The following CTNND2 variants were observed in gnomAD, a reference collection of about 807,000 sequenced individuals.
CTNND2 encodes the protein catenin delta 2.
CTNND2 carries 22 observed loss-of-function variants against 144.4 expected under a neutral mutation model. The observed-to-expected ratio is 0.15, with a 90% CI of 0.11 to 0.22. The LOEUF (loss-of-function observed/expected upper bound fraction) is 0.22. Among genes scored for constraint, CTNND2 ranks in the 10% least tolerant of loss-of-function variants. The pLI, the probability that CTNND2 is intolerant of heterozygous loss-of-function variation, is 1.00. For missense variants in CTNND2, 1,353 were observed against 1,618.8 expected, an observed-to-expected ratio of 0.84 and a Z score of 2.82; for synonymous variants, 751 against 695.6, an observed-to-expected ratio of 1.08 and a Z score of -1.25.
At chr5:11,073,938 G>A (rs1336255802) in intron 16 of CTNND2, among the ~76,000 whole-genome samples, 1 of 152,212 alleles carries the variant, frequency 6.6e-6, no homozygotes, top group East Asian at 1.9e-4. Flanking sequence ...AACGACATCT[G>A]TCTGGGTCTG....
intron 21 of CTNND2, among the ~76,000 whole-genome samples, chr5:10,976,690 A>G (rs996189129): frequency 1.3e-5 from 2 of 152,212 alleles, no homozygotes; most frequent in South Asian, 2.1e-4. Context: ...TATGAAGGAT[A>G]GTGTCATGAC....
chr5:11,788,763 T>G (rs1262203517), intron 1 of CTNND2, among the ~76,000 whole-genome samples: 1 of 152,068 alleles, frequency 6.6e-6, no homozygotes, highest in African/African-American at 2.4e-5. Flanking sequence ...TGTGCCATGT[T>G]GGTGTGCTGC....
intron 1 of CTNND2, among the ~76,000 whole-genome samples, chr5:11,864,605 G>C (rs564483182): frequency 3.9e-5 from 6 of 152,272 alleles, no homozygotes; most frequent in African/African-American, 1.4e-4. Flanking sequence ...TGTAAGGCAG[G>C]CTTTCTCAGC....
chr5:11,084,949 C>T (rs1274136423), intron 15 of CTNND2, among the ~76,000 whole-genome samples: 2 of 152,122 alleles, frequency 1.3e-5, no homozygotes, highest in East Asian at 3.9e-4. Context: ...CTTTAATCCT[C>T]CATGCTCAGT....
chr5:11,868,692 A>G (rs1432261756), intron 1 of CTNND2, among the ~76,000 whole-genome samples: 1 of 152,152 alleles, frequency 6.6e-6, no homozygotes, highest in Non-Finnish European at 1.5e-5. Flanking sequence ...TTTATTCATT[A>G]ATAGATTAAT....
chr5:11,181,589 C>T (rs538812233), intron 11 of CTNND2, among the ~76,000 whole-genome samples: 2 of 152,182 alleles, frequency 1.3e-5, no homozygotes, highest in Admixed American at 6.5e-5. Context: ...TGTGGAACTG[C>T]GTCTGGTAGA....
At chr5:11,094,270 C>T (rs1324822249) in intron 15 of CTNND2, among the ~76,000 whole-genome samples, 1 of 152,112 alleles carries the variant, frequency 6.6e-6, no homozygotes, top group Non-Finnish European at 1.5e-5. Flanking sequence ...TCTAAAATTA[C>T]TAGTAATAAC....
Position 11,122,189 on chromosome 5 carries a change from A to C in CTNND2, c.2160-4622T>G, listed in dbSNP as rs538376885. Among the ~76,000 whole-genome samples, 17 of 152,210 alleles carry C rather than the reference A, an allele frequency of 1.1e-4. 1 individual carries two copies. In the South Asian group the frequency reaches 3.5e-3, roughly 32 times the overall value. On this transcript the variant is annotated intron_variant, in intron 12 of 21. Coordinates refer to ENST00000304623, the MANE Select transcript of CTNND2 (RefSeq NM_001332.4). ...TCCAGCATTTGAATACTGGCTTCTT[A>C]AACTGTACCTTGTGTTACAAGCCTC...
chr5:11,312,015 CAT>C (rs1561199972), intron 9 of CTNND2, among the ~76,000 whole-genome samples: 1 of 149,644 alleles, frequency 6.7e-6, no homozygotes, highest in Non-Finnish European at 1.5e-5. Context: ...ACACACTCAC[CAT>C]ACACCTTCAC....
intron 1 of CTNND2, among the ~76,000 whole-genome samples, chr5:11,746,241 C>T (rs547346562): frequency 6.6e-6 from 1 of 152,236 alleles, no homozygotes; most frequent in South Asian, 2.1e-4. Flanking sequence ...TTCAGTTTAC[C>T]ACAATTGAAT....
chr5:11,516,782 G>GAACAC (rs138862624), intron 3 of CTNND2, among the ~76,000 whole-genome samples: 3,002 of 152,192 alleles, frequency 0.02, 43 homozygotes, highest in Non-Finnish European at 0.032. Flanking sequence ...TCTCTATCAA[G>GAACAC]ATTTCAGGTG....
chr5:11,814,012 G>A (rs911068252), intron 1 of CTNND2, among the ~76,000 whole-genome samples: 3 of 152,008 alleles, frequency 2.0e-5, no homozygotes, highest in African/African-American at 4.8e-5. Context: ...ATAGAATGAG[G>A]CTATTATTTT....
At chr5:11,168,252 G>T (rs1011207478) in intron 11 of CTNND2, among the ~76,000 whole-genome samples, 1 of 152,058 alleles carries the variant, frequency 6.6e-6, no homozygotes, top group Non-Finnish European at 1.5e-5. Flanking sequence ...AACAGATCAG[G>T]CTCTATTAAT....
chr5:11,708,410 A>C (rs778995554), intron 2 of CTNND2, among the ~76,000 whole-genome samples: 13 of 152,146 alleles, frequency 8.5e-5, no homozygotes, highest in Non-Finnish European at 1.5e-4. Flanking sequence ...GAAAAGATGA[A>C]ACCTTTCTTT....
chr5:11,388,167 G>GT (rs1249185663), intron 6 of CTNND2, among the ~76,000 whole-genome samples: 1 of 152,166 alleles, frequency 6.6e-6, no homozygotes, highest in East Asian at 1.9e-4. Flanking sequence ...TTTATATACT[G>GT]TTTAACATAG....
intron 1 of CTNND2, among the ~76,000 whole-genome samples, chr5:11,742,165 A>G (rs1002942226): frequency 1.3e-5 from 2 of 152,120 alleles, no homozygotes; most frequent in African/African-American, 4.8e-5. Context: ...TTACTTATGT[A>G]ACCAACCACC....
intron 1 of CTNND2, among the ~76,000 whole-genome samples, chr5:11,807,624 C>G (rs113648212): frequency 3.0e-4 from 46 of 152,236 alleles, no homozygotes; most frequent in African/African-American, 1.1e-3. Flanking sequence ...ACATCTAATA[C>G]AACCTTAGAA....
intron 9 of CTNND2, among the ~76,000 whole-genome samples, chr5:11,264,196 A>C (rs1745211352): frequency 6.6e-6 from 1 of 152,174 alleles, no homozygotes; most frequent in African/African-American, 2.4e-5. Flanking sequence ...TAGTCATTTG[A>C]TATTATGGGT....
chr5:11,466,804 C>T (rs1343450090), intron 3 of CTNND2, among the ~76,000 whole-genome samples: 1 of 152,194 alleles, frequency 6.6e-6, no homozygotes, highest in Non-Finnish European at 1.5e-5. Flanking sequence ...TTCCCCTCCC[C>T]CACCAAATCA....
Sources: gnomAD v4.1 joint callset for allele counts (sites outside exome capture counted in the v4.1 genomes callset) on GRCh38, gnomAD v4.1.1 for gene constraint, MANE v1.5 for transcripts, NCBI Gene and HGNC (gene_info 2026-07-23, HGNC 2026-07-21) for gene names.